Variants in CCR6 observed in about 807,000 individuals in gnomAD.
CCR6 encodes C-C motif chemokine receptor 6, also known as C-C chemokine receptor type 6.
CCR6 carries 2 observed loss-of-function variants against 3.0 expected under a neutral mutation model. The ratio of observed to expected loss-of-function variants is 0.66; its 90% CI spans 0.27 to 2.07. CCR6 has a LOEUF of 2.07. Among genes scored for constraint, CCR6 ranks in the 30% most tolerant of loss-of-function variants. The probability of loss-of-function intolerance (pLI) is 0.14; values close to 1 mark genes in which losing one functional copy is unlikely to be tolerated. For missense variants in CCR6, 322 were observed against 462.8 expected (o/e 0.70, Z 2.79); for synonymous variants, 193 against 184.3 (o/e 1.05, Z -0.38).
intron 1 of CCR6, chr6:167,116,782 C>A (rs1781499429): frequency 6.6e-6 from 1 of 152,382 alleles, no homozygotes; most frequent in East Asian, 1.9e-4. Context: ...CAGTCCCGGA[C>A]GCCTGCACAT....
intron 1 of CCR6, among the ~76,000 whole-genome samples, chr6:167,133,916 TATATG>T (rs1351156418): frequency 8.6e-6 from 1 of 116,926 alleles, no homozygotes; most frequent in Non-Finnish European, 1.8e-5. Flanking sequence ...GATACTATTA[TATATG>T]ATATATGTGT....
At chr6:167,112,626 C>A (rs566158245) in intron 1 of CCR6, among the ~76,000 whole-genome samples, 5 of 152,114 alleles carry the variant, frequency 3.3e-5, no homozygotes, top group Non-Finnish European at 7.4e-5. Flanking sequence ...GCTGGTGGAT[C>A]TAACATGAAT....
At chr6:167,124,168 G>A (rs1781631394) in intron 1 of CCR6, among the ~76,000 whole-genome samples, 1 of 151,524 alleles carries the variant, frequency 6.6e-6, no homozygotes, top group African/African-American at 2.4e-5. Flanking sequence ...AAAATGCAAG[G>A]CCATAACTAA....
intron 1 of CCR6, chr6:167,126,430 T>C (rs983925634): frequency 6.6e-6 from 1 of 152,248 alleles, no homozygotes; most frequent in Non-Finnish European, 1.5e-5. Context: ...GCACTTCAAG[T>C]CAGAGGCTGG....
rs527550123 is a variant in CCR6, at chr6:167,131,513, G to C, written c.-97-4525G>C. 2.6e-5 allele frequency: 4 copies of C among 152,610 alleles called. No individual in the cohort carries two copies. The South Asian group carries it at 8.3e-4, about 32-fold the overall frequency. 9.5% of individuals were successfully genotyped at this position (152,610 alleles called of 1,614,324 possible). ...CACTCACCTGGGAACCCGTGCCGCT[G>C]GCCCCACCTTGGCCTAGCATCCGTC... On this transcript the variant is annotated intron_variant, in intron 1 of 2. Coordinates refer to ENST00000341935, the MANE Select transcript of CCR6 (RefSeq NM_031409.4).
upstream of CCR6, among the ~76,000 whole-genome samples, chr6:167,118,167 T>C (rs571893538): frequency 6.6e-6 from 1 of 152,254 alleles, no homozygotes; most frequent in African/African-American, 2.4e-5. Context: ...TATGACTCAA[T>C]AGTGGTAACT....
At chr6:167,125,602 G>A (rs771693616) in intron 1 of CCR6, among the ~76,000 whole-genome samples, 4 of 152,230 alleles carry the variant, frequency 2.6e-5, no homozygotes, top group East Asian at 1.9e-4. Context: ...TAGAGGCACC[G>A]TTGAAGGCCG....
chr6:167,117,403 CTTTTTTTTTTTCTTT>C (rs1473179941), intron 1 of CCR6, among the ~76,000 whole-genome samples: 51 of 105,018 alleles, frequency 4.9e-4, no homozygotes, highest in African/African-American at 1.6e-3. Context: ...ACTCTATTTT[CTTTTTTTTTTTCTTT>C]TTTTTTTTTT....
chr6:167,114,330 C>T (rs6456157), intron 1 of CCR6, among the ~76,000 whole-genome samples: 2 of 151,986 alleles, frequency 1.3e-5, no homozygotes, highest in Admixed American at 6.5e-5. Context: ...TTAGCTGAGA[C>T]GGTCTAGCTC....
chr6:167,130,972 G>GC (rs746486540), intron 1 of CCR6, among the ~76,000 whole-genome samples: 1 of 120,754 alleles, frequency 8.3e-6, no homozygotes, highest in African/African-American at 3.7e-5. Flanking sequence ...CTCCCTCTGG[G>GC]ACCACCCTCC....
intron 1 of CCR6, among the ~76,000 whole-genome samples, chr6:167,130,515 G>A (rs754768843): frequency 2.6e-5 from 4 of 151,758 alleles, no homozygotes; most frequent in East Asian, 1.9e-4. Context: ...TGATACCCAC[G>A]CCAATCTGTC....
At chr6:167,112,020 T>G (rs1004715016) in intron 1 of CCR6, 2 of 149,626 alleles carry the variant, frequency 1.3e-5, no homozygotes, top group Admixed American at 6.7e-5. Flanking sequence ...TATTGGTAAG[T>G]TTTTTTTTTG....
intron 1 of CCR6, among the ~76,000 whole-genome samples, chr6:167,134,277 C>T (rs1781816503): frequency 6.6e-6 from 1 of 152,124 alleles, no homozygotes; most frequent in African/African-American, 2.4e-5. Context: ...TGCTGTGCTT[C>T]TTCTGATTGA....
chr6:167,124,265 G>GGAAA lies in CCR6; in HGVS notation c.-98+1042_-98+1043insGAAA, dbSNP rs10683579. On this transcript the variant is annotated intron_variant, in intron 1 of 2. Transcript: ENST00000341935. Reference sequence around the variant, plus strand: ...AACTTCCAAAGAAATTAAAGGAACTGAAAAAAAAAAAAAACCAACCCACAG... The same window carrying GGAAA: ...AACTTCCAAAGAAATTAAAGGAACTGGAAAAAAAAAAAAAAAAACCAACCCACAG... Among the ~76,000 whole-genome samples, 357 of 135,664 alleles carry GGAAA rather than the reference G, an allele frequency of 2.6e-3. 1 individual carries two copies. Among genetic ancestry groups the GGAAA allele is most frequent in the African/African-American group, 9.4e-3 (344 of 36,668 alleles). 89.0% of individuals were successfully genotyped at this position (135,664 alleles called of 152,430 possible).
chr6:167,135,348 C>T (rs1303398006), intron 1 of CCR6, among the ~76,000 whole-genome samples: 1 of 152,228 alleles, frequency 6.6e-6, no homozygotes, highest in African/African-American at 2.4e-5. Flanking sequence ...GCCTCTGCCA[C>T]AGCAGATTCA....
intron 1 of CCR6, among the ~76,000 whole-genome samples, chr6:167,113,931 T>C (rs1454271866): frequency 1.3e-5 from 2 of 151,884 alleles, no homozygotes; most frequent in Non-Finnish European, 2.9e-5. Context: ...AAAGGGAAAA[T>C]GGAACAAAGA....
intron 1 of CCR6, among the ~76,000 whole-genome samples, chr6:167,125,172 C>A (rs1781652218): frequency 6.6e-6 from 1 of 152,190 alleles, no homozygotes; most frequent in Non-Finnish European, 1.5e-5. Context: ...TGCAGGGCCA[C>A]TACTATTTAT....
intron 1 of CCR6, among the ~76,000 whole-genome samples, chr6:167,133,906 G>A (rs1429777874): frequency 1.8e-5 from 2 of 110,304 alleles, no homozygotes; most frequent in African/African-American, 3.7e-5. Flanking sequence ...TATAATTATT[G>A]ATACTATTAT....
intron 1 of CCR6, among the ~76,000 whole-genome samples, chr6:167,129,051 T>C (rs1255359051): frequency 3.3e-5 from 5 of 152,238 alleles, no homozygotes; most frequent in South Asian, 2.1e-4. Context: ...GCCTCCTCTC[T>C]TTTTGCCCCT....
Sources: allele counts gnomAD v4.1 joint callset (sites outside exome capture counted in the v4.1 genomes callset), GRCh38; gene constraint gnomAD v4.1.1; transcripts MANE v1.5; gene names NCBI Gene and HGNC (gene_info 2026-07-23, HGNC 2026-07-21).